Variants in SPOCK1 observed in about 807,000 individuals in gnomAD.
The protein encoded by SPOCK1 is SPARC (osteonectin), cwcv and kazal like domains proteoglycan 1.
A neutral mutation model predicts 55.3 loss-of-function variants in SPOCK1; 23 were observed. The ratio of observed to expected loss-of-function variants is 0.42; its 90% CI spans 0.30 to 0.59. The LOEUF (loss-of-function observed/expected upper bound fraction) is 0.59. Among genes scored for constraint, SPOCK1 ranks in the 20% least tolerant of loss-of-function variants. The probability of loss-of-function intolerance (pLI) is 0.22; values close to 1 mark genes in which losing one functional copy is unlikely to be tolerated. For missense variants in SPOCK1, 499 were observed against 552.5 expected (o/e 0.90, Z 0.97); for synonymous variants, 226 against 221.0 (o/e 1.02, Z -0.20).
chr5:137,352,113 T>G (rs900684224), intron 2 of SPOCK1, among the ~76,000 whole-genome samples: 2 of 152,224 alleles, frequency 1.3e-5, no homozygotes, highest in Non-Finnish European at 2.9e-5. Flanking sequence ...TTCCCCCTCA[T>G]GAGTAAAATC....
At chr5:136,992,045 T>A (rs1393090307) in intron 7 of SPOCK1, among the ~76,000 whole-genome samples, 1 of 152,196 alleles carries the variant, frequency 6.6e-6, no homozygotes. Flanking sequence ...AACCTCAATG[T>A]CCCAAAATAA....
chr5:137,177,386 C>A (rs542258378), intron 3 of SPOCK1, among the ~76,000 whole-genome samples: 1 of 152,238 alleles, frequency 6.6e-6, no homozygotes, highest in Admixed American at 6.5e-5. Context: ...AGACCAGAGG[C>A]CCCTTCACTT....
intron 6 of SPOCK1, among the ~76,000 whole-genome samples, chr5:137,054,749 C>G (rs886751150): frequency 3.3e-5 from 5 of 152,140 alleles, no homozygotes; most frequent in Non-Finnish European, 7.4e-5. Context: ...CTAATTTAAT[C>G]TAGATATTTA....
rs139911301 is a variant in SPOCK1, at chr5:137,443,704, C to A, written c.186+54669G>T. 7.9e-5 allele frequency among the ~76,000 whole-genome samples: 12 copies of A among 152,180 alleles called. 1 individual carries two copies. Among genetic ancestry groups the A allele is most frequent in the Non-Finnish European group, 8.8e-5 (6 of 68,030 alleles). On this transcript the variant is annotated intron_variant, in intron 2 of 10. Coordinates refer to ENST00000394945, the MANE Select transcript of SPOCK1 (RefSeq NM_004598.4). ...CTCCAGACAGCCATGGGTTCACCAA[C>A]GGCTGTGGTCTGTACCTCCTTGCTA...
intron 3 of SPOCK1, among the ~76,000 whole-genome samples, chr5:137,223,101 A>G (rs1755887365): frequency 6.6e-6 from 1 of 152,122 alleles, no homozygotes; most frequent in African/African-American, 2.4e-5. Flanking sequence ...ACAAGTATCC[A>G]TGCTATGGCA....
intron 2 of SPOCK1, among the ~76,000 whole-genome samples, chr5:137,306,392 G>A (rs2571248): frequency 0.036 from 5,459 of 152,272 alleles, 137 homozygotes; most frequent in Non-Finnish European, 0.049. Flanking sequence ...CTCTATCTCT[G>A]GGTGGGAGTC....
chr5:137,119,531 T>A (rs1323256182), intron 4 of SPOCK1, among the ~76,000 whole-genome samples: 2 of 152,194 alleles, frequency 1.3e-5, no homozygotes, highest in Admixed American at 1.3e-4. Flanking sequence ...AGAGAGATTT[T>A]CCATCGTGGG....
chr5:136,987,119 G>C (rs980335161), intron 8 of SPOCK1, among the ~76,000 whole-genome samples: 1 of 151,966 alleles, frequency 6.6e-6, no homozygotes, highest in African/African-American at 2.4e-5. Flanking sequence ...ACTTGACTGT[G>C]TAATACACAA....
At position 136,992,583 on chromosome 5, in the gene SPOCK1, A is replaced by C; in HGVS notation, c.607T>G (p.Leu203Val). 1.9e-6 allele frequency: 3 copies of C among 1,613,586 alleles called. No homozygotes were observed. Among genetic ancestry groups the C allele is most frequent in the Non-Finnish European group, 2.5e-6 (3 of 1,179,766 alleles). The part of the protein sequence containing the change: ...AERSACTDKE[L>V]RNLASRLKDW... ...TTCAGCCGGGAGGCAAGGTTCCGCA[A>C]CTCCTTGTCTGTGCAGGCTAGAGAA... The change falls in exon 7 of 11, where the codon TTG becomes GTG. Residue 203 changes from leucine to valine, a missense_variant. Coordinates refer to ENST00000394945, the MANE Select transcript of SPOCK1 (RefSeq NM_004598.4).
At position 136,978,579 on chromosome 5, in the gene SPOCK1, G is replaced by A; in HGVS notation, c.*75C>T. ...GGAGAAGAGACCTTGGTGCCTTGGA[G>A]TCTTAGATACAAATGCAGGAATAGG... On this transcript the variant is annotated 3_prime_UTR_variant, in exon 11 of 11. Coordinates refer to ENST00000394945, the MANE Select transcript of SPOCK1 (RefSeq NM_004598.4). The A allele has an allele frequency of 1.3e-6, 2 of 1,495,960 alleles. No homozygotes were observed. The highest frequency in any genetic ancestry group is 1.8e-6 in the Non-Finnish European group (2 of 1,109,962). The allele number at this position is 1,495,960 out of a possible 1,614,324, so 92.7% of individuals were successfully genotyped here. A position where few individuals can be genotyped will look rare whatever the true frequency, so the allele number is the denominator to read the frequency against.
At chr5:137,349,226 T>C (rs1750626067) in intron 2 of SPOCK1, among the ~76,000 whole-genome samples, 2 of 152,228 alleles carry the variant, frequency 1.3e-5, no homozygotes, top group South Asian at 4.1e-4. Flanking sequence ...AGGGATGGGA[T>C]GGATATAAAA....
At chr5:137,394,633 T>C (rs1341193197) in intron 2 of SPOCK1, among the ~76,000 whole-genome samples, 2 of 152,142 alleles carry the variant, frequency 1.3e-5, no homozygotes, top group Non-Finnish European at 2.9e-5. Context: ...AACTCTCCCA[T>C]CTGAACCAGA....
At chr5:137,302,944 A>T (rs1017436675) in intron 2 of SPOCK1, among the ~76,000 whole-genome samples, 1 of 152,152 alleles carries the variant, frequency 6.6e-6, no homozygotes, top group Non-Finnish European at 1.5e-5. Flanking sequence ...AATACATACT[A>T]GCAGTATATT....
intron 6 of SPOCK1, among the ~76,000 whole-genome samples, chr5:137,005,162 A>C (rs1247486059): frequency 6.6e-6 from 1 of 152,194 alleles, no homozygotes; most frequent in African/African-American, 2.4e-5. Context: ...GACCATACAG[A>C]GGAGCCATTT....
chr5:137,204,368 C>T (rs887965935), intron 3 of SPOCK1, among the ~76,000 whole-genome samples: 3 of 152,104 alleles, frequency 2.0e-5, no homozygotes, highest in Middle Eastern at 3.2e-3. Flanking sequence ...TGGGAGAGCG[C>T]ACTGTCTCAG....
intron 6 of SPOCK1, among the ~76,000 whole-genome samples, chr5:137,043,931 G>A (rs1326863344): frequency 6.6e-6 from 1 of 152,168 alleles, no homozygotes; most frequent in African/African-American, 2.4e-5. Flanking sequence ...TGTTAATTGT[G>A]ACAAATGTAC....
intron 6 of SPOCK1, among the ~76,000 whole-genome samples, chr5:136,994,137 C>T (rs965384574): frequency 6.6e-6 from 1 of 152,228 alleles, no homozygotes; most frequent in Non-Finnish European, 1.5e-5. Context: ...TACGACGCTG[C>T]CTTCTGTCCA....
At chr5:137,423,518 C>T (rs1752545693) in intron 2 of SPOCK1, among the ~76,000 whole-genome samples, 1 of 152,302 alleles carries the variant, frequency 6.6e-6, no homozygotes, top group East Asian at 1.9e-4. Context: ...TGCTGCCTTG[C>T]AGTTTGATCT....
intron 6 of SPOCK1, among the ~76,000 whole-genome samples, chr5:137,004,645 G>A (rs776756271): frequency 1.3e-5 from 2 of 152,078 alleles, no homozygotes; most frequent in Non-Finnish European, 1.5e-5. Context: ...GACATAGCTA[G>A]TAATTTCTCT....
Sources: allele counts gnomAD v4.1 joint callset (sites outside exome capture counted in the v4.1 genomes callset), GRCh38; gene constraint gnomAD v4.1.1; transcripts MANE v1.5; gene names NCBI Gene and HGNC (gene_info 2026-07-23, HGNC 2026-07-21).